TRAK1: variants seen among roughly 807,000 people sequenced by gnomAD.
The protein encoded by TRAK1 is trafficking kinesin protein 1.
In TRAK1, 33 loss-of-function variants were observed where a neutral mutation model predicts 92.1. The observed-to-expected ratio is 0.36, with a 90% CI of 0.27 to 0.48. The LOEUF (loss-of-function observed/expected upper bound fraction) is 0.48. TRAK1 is among the 20% of genes least tolerant of loss of function. The pLI, the probability that TRAK1 is intolerant of heterozygous loss-of-function variation, is 0.99. For synonymous variants in TRAK1, 521 were observed against 517.3 expected (o/e 1.01, Z -0.10); for missense variants, 1,123 against 1,257.9 (o/e 0.89, Z 1.62).
upstream of TRAK1, among the ~76,000 whole-genome samples, chr3:42,085,533 A>G (rs2148955970): frequency 6.6e-6 from 1 of 152,324 alleles, no homozygotes; most frequent in East Asian, 1.9e-4. Context: ...TCCGCCTGTA[A>G]TAGGAATTCC....
chr3:42,133,061 G>A (rs1553727821), intron 2 of TRAK1, among the ~76,000 whole-genome samples: 1 of 152,108 alleles, frequency 6.6e-6, no homozygotes, highest in Non-Finnish European at 1.5e-5. Flanking sequence ...CTCATCCCTG[G>A]ACAGCTGTAA....
At chr3:42,105,982 C>T (rs1013508807) in intron 1 of TRAK1, among the ~76,000 whole-genome samples, 1 of 152,136 alleles carries the variant, frequency 6.6e-6, no homozygotes, top group Non-Finnish European at 1.5e-5. Flanking sequence ...GAGATTTTGT[C>T]ACCACCAGGC....
chr3:42,086,109 G>A (rs1196158378), upstream of TRAK1, among the ~76,000 whole-genome samples: 1 of 152,220 alleles, frequency 6.6e-6, no homozygotes, highest in East Asian at 1.9e-4. Flanking sequence ...TGATGTGTGT[G>A]CAGGTGCGCT....
chr3:42,208,650 T>A (rs1214267782), intron 13 of TRAK1, among the ~76,000 whole-genome samples: 1 of 152,240 alleles, frequency 6.6e-6, no homozygotes, highest in Admixed American at 6.5e-5. Context: ...CATCCATTTG[T>A]GCAGGAAGCC....
intron 13 of TRAK1, chr3:42,204,304 AAT>A (rs1438828889): frequency 1.0e-6 from 1 of 952,702 alleles, no homozygotes; most frequent in African/African-American, 1.8e-5. Flanking sequence ...ATCATCTAAG[AAT>A]ATGTTTTTGA....
At chr3:42,087,987 G>A (rs998273605), upstream of TRAK1, among the ~76,000 whole-genome samples, 2 of 152,216 alleles carry the variant, frequency 1.3e-5, no homozygotes, top group African/African-American at 4.8e-5. Flanking sequence ...CCCCAAGGAA[G>A]CATTGAGACA....
At chr3:42,084,768 G>A (rs1704594156), upstream of TRAK1, among the ~76,000 whole-genome samples, 1 of 151,156 alleles carries the variant, frequency 6.6e-6, no homozygotes, top group African/African-American at 2.4e-5. Context: ...ATCTGTATTT[G>A]AGTCACTGAC....
chr3:42,096,305 TGTA>T (rs1300768763), intron 1 of TRAK1, among the ~76,000 whole-genome samples: 1 of 152,090 alleles, frequency 6.6e-6, no homozygotes, highest in African/African-American at 2.4e-5. Flanking sequence ...CAGGCTGGAG[TGTA>T]GTAGTGTGAT....
chr3:42,073,062 C>G (rs912055021), intron 1 of TRAK1, among the ~76,000 whole-genome samples: 3 of 152,210 alleles, frequency 2.0e-5, no homozygotes, highest in Non-Finnish European at 2.9e-5. Flanking sequence ...ACACGCATGA[C>G]AGCATGCACG....
intron 2 of TRAK1, among the ~76,000 whole-genome samples, chr3:42,141,052 A>G (rs1041757076): frequency 6.6e-6 from 1 of 152,146 alleles, no homozygotes; most frequent in Non-Finnish European, 1.5e-5. Flanking sequence ...ATGCGGCAAT[A>G]TCTGTGAGGT....
chr3:42,120,051 T>TA (rs1343841921), intron 1 of TRAK1, among the ~76,000 whole-genome samples: 8 of 151,984 alleles, frequency 5.3e-5, no homozygotes, highest in Admixed American at 1.3e-4. Context: ...AAACAAAAAA[T>TA]AAAAAAATAA....
intron 1 of TRAK1, among the ~76,000 whole-genome samples, chr3:42,048,939 CTGTTCCCCACTA>C (rs1164193758): frequency 2.6e-5 from 4 of 152,182 alleles, no homozygotes; most frequent in Non-Finnish European, 5.9e-5. Flanking sequence ...GGGTGTCACT[CTGTTCCCCACTA>C]TGTTGAGCTC....
intron 1 of TRAK1, among the ~76,000 whole-genome samples, chr3:42,019,085 G>A (rs1701637403): frequency 6.6e-6 from 1 of 151,780 alleles, no homozygotes; most frequent in Admixed American, 6.6e-5. Context: ...TCGCACTACT[G>A]CACTCCAGCC....
chr3:42,193,997 T>C, intron 9 of TRAK1, 99 bp downstream of exon 9: 1 of 1,083,442 alleles, frequency 9.2e-7, no homozygotes, highest in Non-Finnish European at 1.4e-6. Flanking sequence ...AACTACTGTT[T>C]TTATTTTGAA....
rs374173062 is a variant in TRAK1, at chr3:42,079,474, C to CTTTTTTTTT, written c.-518-7628_-518-7627insTTTTTTTTT. On this transcript the variant is annotated intron_variant, in intron 1 of 16. Coordinates refer to the TRAK1 transcript ENST00000487159. The stretch of plus-strand genomic sequence containing the variant: ...GAGTTTGTCGTGAAGGAAGCTCCTT[C>CTTTTTTTTT]TTCTTTTTTTTTTTTTTTTGTTTTG... Among the ~76,000 whole-genome samples the CTTTTTTTTT allele has an allele frequency of 1.0e-3, 136 of 133,930 alleles. 3 individuals are homozygous for CTTTTTTTTT. Among genetic ancestry groups the CTTTTTTTTT allele is most frequent in the Middle Eastern group, 4.5e-3 (1 of 220 alleles). 87.9% of individuals were successfully genotyped at this position (133,930 alleles called of 152,430 possible).
At chr3:42,164,127 C>T (rs1402894331) in intron 2 of TRAK1, among the ~76,000 whole-genome samples, 3 of 152,224 alleles carry the variant, frequency 2.0e-5, no homozygotes, top group African/African-American at 7.2e-5. Flanking sequence ...GTCATGATCA[C>T]ACCACCTTTG....
chr3:42,116,993 C>A (rs955499979), intron 1 of TRAK1, among the ~76,000 whole-genome samples: 3 of 152,166 alleles, frequency 2.0e-5, no homozygotes, highest in African/African-American at 7.2e-5. Flanking sequence ...TAATCTGGCC[C>A]TCAGTATTCA....
chr3:42,162,569 A>C (rs1363828211), intron 2 of TRAK1, among the ~76,000 whole-genome samples: 1 of 152,222 alleles, frequency 6.6e-6, no homozygotes, highest in Non-Finnish European at 1.5e-5. Flanking sequence ...ATAGTGAAGC[A>C]ACAGTTCCTT....
chr3:42,214,492 T>C (rs1249119297), intron 14 of TRAK1, among the ~76,000 whole-genome samples: 1 of 152,216 alleles, frequency 6.6e-6, no homozygotes, highest in Admixed American at 6.5e-5. Context: ...GACGTTTTAA[T>C]AGCATTCTAA....
Sources: allele counts gnomAD v4.1 joint callset (sites outside exome capture counted in the v4.1 genomes callset), GRCh38; gene constraint gnomAD v4.1.1; transcripts MANE v1.5; gene names NCBI Gene and HGNC (gene_info 2026-07-23, HGNC 2026-07-21).